Variants in MYO7A observed in about 807,000 individuals in gnomAD.
MYO7A encodes myosin VIIA, also known as unconventional myosin-VIIa.
A neutral mutation model predicts 263.8 loss-of-function variants in MYO7A; 210 were observed. The observed-to-expected ratio is 0.80, with a 90% CI of 0.71 to 0.89. MYO7A has a LOEUF of 0.89. Ranked by LOEUF, MYO7A falls within the 40% of genes least tolerant of loss-of-function variation. The probability of loss-of-function intolerance (pLI) is 0.00; values close to 1 mark genes in which losing one functional copy is unlikely to be tolerated. For missense variants in MYO7A, 2,820 were observed against 2,968.3 expected (o/e 0.95, Z 1.16); for synonymous variants, 1,239 against 1,197.3 (o/e 1.03, Z -0.72).
chr11:77,190,156 G>T lies in MYO7A; in HGVS notation c.3750+17G>T, dbSNP rs1955945752. 1 of 1,544,286 alleles carries T rather than the reference G, an allele frequency of 6.5e-7. No homozygotes were observed. Among genetic ancestry groups the T allele is most frequent in the South Asian group, 1.2e-5 (1 of 82,540 alleles). ...GAGCTGCAGGTTCGTGCGTGTGTAT[G>T]CACGTGCTCGTGTGCATGTGTGCGC... On this transcript the variant is annotated intron_variant, in intron 29 of 48. Coordinates refer to ENST00000409709, the MANE Select transcript of MYO7A (RefSeq NM_000260.4).
rs782127635 is a variant in MYO7A, at chr11:77,182,092, T to C, written c.3046T>C (p.Ser1016Pro). 1 of 1,613,346 alleles carries C rather than the reference T, an allele frequency of 6.2e-7. No individual in the cohort carries two copies. The highest frequency in any genetic ancestry group is 8.5e-7 in the Non-Finnish European group (1 of 1,179,836). ...CTACTTCCAGGGGACAACCACGCACTCCTACACCCGGCGGCCACTCAAACA... is the reference window on the plus strand; with the variant it reads ...CTACTTCCAGGGGACAACCACGCACCCCTACACCCGGCGGCCACTCAAACA... ...ATYFQGTTTHSYTRRPLKQPL... is the reference protein window; with the variant it reads ...ATYFQGTTTHPYTRRPLKQPL... The change falls in exon 24 of 49, where the codon TCC becomes CCC. Residue 1016 changes from serine (S) to proline (P), a missense_variant. Coordinates refer to ENST00000409709, the MANE Select transcript of MYO7A (RefSeq NM_000260.4).
In MYO7A at chr11:77,177,548, G is replaced by A. The variant is rs558391718; in HGVS notation, c.2188-1G>A. The A allele has an allele frequency of 6.2e-7, 1 of 1,608,862 alleles. No homozygotes were observed. The highest frequency in any genetic ancestry group is 1.3e-5 in the African/African-American group (1 of 74,944). On this transcript the variant is annotated splice_acceptor_variant, in intron 18 of 48. Coordinates refer to ENST00000409709, the MANE Select transcript of MYO7A (RefSeq NM_000260.4). LOFTEE classifies it high-confidence loss of function. Reference sequence around the variant, plus strand: ...CGCTGCTCAGGAGCTCTGCCTCCTAGGACCACCATGACATGCTGCTGGAAG... The same window carrying A: ...CGCTGCTCAGGAGCTCTGCCTCCTAAGACCACCATGACATGCTGCTGGAAG...
chr11:77,191,301 C>T, intron 30 of MYO7A: 1 of 158,476 alleles, frequency 6.3e-6, no homozygotes, highest in Non-Finnish European at 1.4e-5. Flanking sequence ...GCCTGGGCGA[C>T]AGAGCGAGAC....
At chr11:77,174,033 C>T (rs10899355) in intron 16 of MYO7A, among the ~76,000 whole-genome samples, 1 of 151,656 alleles carries the variant, frequency 6.6e-6, no homozygotes, top group African/African-American at 2.4e-5. Context: ...TGTCCTGCCT[C>T]CCCTGGCCCC....
chr11:77,194,240 C>T, intron 31 of MYO7A, 114 bp from the exon 32 acceptor site: 1 of 1,260,654 alleles, frequency 7.9e-7, no homozygotes, highest in Non-Finnish European at 1.1e-6. Context: ...AAAGGCCAGG[C>T]TCTGAGAGCT....
intron 29 of MYO7A, among the ~76,000 whole-genome samples, 154 bp from the exon 30 acceptor site, chr11:77,190,543 C>T (rs1017823861): frequency 2.6e-5 from 4 of 152,190 alleles, no homozygotes; most frequent in Non-Finnish European, 5.9e-5. Context: ...GCTCCCTGGA[C>T]ACCTGTGACA....
Position 77,190,060 on chromosome 11 carries a change from C to A in MYO7A, c.3671C>A (p.Ala1224Asp). The change falls in exon 29 of 49, where the codon GCC becomes GAC. Residue 1224 changes from alanine to aspartate, a missense_variant. By Grantham distance (126) the Ala-to-Asp change is moderately radical. Coordinates refer to ENST00000409709, the MANE Select transcript of MYO7A (RefSeq NM_000260.4). ...NFIHGGPPGY[A>D]PYCEERLRRT... ...ATCCACGGGGGCCCGCCCGGCTACG[C>A]CCCGTACTGTGAGGAGCGCCTGAGA... The A allele has an allele frequency of 1.3e-6, 2 of 1,573,534 alleles. No homozygotes were observed. Among genetic ancestry groups the A allele is most frequent in the Non-Finnish European group, 1.7e-6 (2 of 1,160,310 alleles).
At position 77,160,216 on chromosome 11, in the gene MYO7A, C is replaced by T. The variant is rs1213402972; in HGVS notation, c.1134C>T (p.Arg378=). 1.9e-5 allele frequency: 30 copies of T among 1,581,462 alleles called. No homozygotes were observed. The highest frequency in any genetic ancestry group is 4.0e-5 in the African/African-American group (3 of 74,086). The change falls in exon 11 of 49, where the codon CGC becomes CGT. Residue 378 remains arginine (R), a synonymous_variant. Coordinates refer to ENST00000409709, the MANE Select transcript of MYO7A (RefSeq NM_000260.4). ...SCLTSRTLIT[R]GETVSTPLSR... is the part of the protein sequence containing the mutation. ...TGACTAGCCGCACCCTCATCACCCG[C>T]GGGGAGACGGTGTCCACCCCACTGA...
intron 13 of MYO7A, 25 bp from the exon 14 acceptor site, chr11:77,162,828 T>C: frequency 1.9e-6 from 3 of 1,603,234 alleles, no homozygotes; most frequent in Non-Finnish European, 2.6e-6. Flanking sequence ...GAGGGTGGGC[T>C]CACAGCTGCC....
intron 12 of MYO7A, 23 bp downstream of exon 12, chr11:77,161,138 T>C: frequency 2.5e-6 from 4 of 1,612,172 alleles, no homozygotes; most frequent in Non-Finnish European, 3.4e-6. Flanking sequence ...GCTCTGCTCA[T>C]GGGAATTTCC....
rs1956846958 is a variant in MYO7A, at chr11:77,198,601, C to T, written c.4548C>T (p.Ile1516=). Residue 1516 remains isoleucine, a synonymous_variant, in exon 34 of 49, where the codon ATC becomes ATT. Coordinates refer to ENST00000409709, the MANE Select transcript of MYO7A (RefSeq NM_000260.4). The part of the protein sequence containing the change: ...QVLLELSFPE[I]MAVSSSRECR... ...TTCTGGAGCTGTCCTTCCCAGAGAT[C>T]ATGGCCGTGTCCAGCAGCAGGTGAG... 6.2e-7 allele frequency: 1 copy of T among 1,613,862 alleles called. No individual in the cohort carries two copies. Among genetic ancestry groups the T allele is most frequent in the Non-Finnish European group, 8.5e-7 (1 of 1,179,868 alleles).
chr11:77,157,055 G>A (rs536254695), intron 7 of MYO7A, 51 bp downstream of exon 7: 6 of 1,589,826 alleles, frequency 3.8e-6, no homozygotes, highest in Admixed American at 1.7e-5. Flanking sequence ...CCTGGCCTCA[G>A]GGGTCTGCGT....
chr11:77,156,644 C>G lies in MYO7A; in HGVS notation c.471-16C>G. The G allele has an allele frequency of 6.2e-7, 1 of 1,612,900 alleles. No individual in the cohort carries two copies. Among genetic ancestry groups the G allele is most frequent in the Non-Finnish European group, 8.5e-7 (1 of 1,179,328 alleles). On this transcript the variant is annotated splice_polypyrimidine_tract_variant and intron_variant, in intron 5 of 48. Transcript: ENST00000409709. ...CTGTGGGTTGTGACAGGTCCTGCCA[C>G]TCCCTCCCTCTGCAGTGGGGAATCT...
chr11:77,179,992 C>T (rs1555083065), intron 21 of MYO7A, 39 bp downstream of exon 21: 33 of 1,494,344 alleles, frequency 2.2e-5, no homozygotes, highest in Non-Finnish European at 2.8e-5. Flanking sequence ...GCTCTGACCC[C>T]TGGGCGAGGA....
chr11:77,182,934 G>C (rs1372258882), intron 25 of MYO7A, 134 bp from the exon 26 acceptor site: 2 of 805,020 alleles, frequency 2.5e-6, no homozygotes, highest in Non-Finnish European at 4.2e-6. Flanking sequence ...TGAGCAGGTG[G>C]ACGGTGGCAG....
At chr11:77,202,447 G>A in intron 37 of MYO7A, 23 bp downstream of exon 37, 1 of 1,547,276 alleles carries the variant, frequency 6.5e-7, no homozygotes, top group African/African-American at 1.4e-5. Flanking sequence ...GGGGAAGGAT[G>A]GGAGCCACAG....
intron 47 of MYO7A, 97 bp downstream of exon 47, chr11:77,213,132 C>A: frequency 5.2e-6 from 5 of 953,894 alleles, no homozygotes; most frequent in Non-Finnish European, 8.1e-6. Context: ...TAGCCACCAT[C>A]TATCTCTAGA....
intron 32 of MYO7A, among the ~76,000 whole-genome samples, chr11:77,196,649 G>C (rs1410683693): frequency 1.3e-5 from 2 of 152,094 alleles, no homozygotes; most frequent in Non-Finnish European, 2.9e-5. Flanking sequence ...TATTTTCTCT[G>C]AGTCATTTGA....
At chr11:77,184,902 A>G (rs1955549779) in intron 27 of MYO7A, 187 bp downstream of exon 27, 1 of 1,026,522 alleles carries the variant, frequency 9.7e-7, no homozygotes, top group East Asian at 2.6e-5. Flanking sequence ...TTGTCTGTAA[A>G]GGGGGAATCC....
Sources: gnomAD v4.1 joint callset for allele counts (sites outside exome capture counted in the v4.1 genomes callset) on GRCh38, gnomAD v4.1.1 for gene constraint, MANE v1.5 for transcripts, NCBI Gene and HGNC (gene_info 2026-07-23, HGNC 2026-07-21) for gene names.